The following HEATR5B variants were observed in gnomAD, a reference collection of about 807,000 sequenced individuals.
The protein encoded by HEATR5B is HEAT repeat containing 5B, also known as HEAT repeat-containing protein 5B.
A neutral mutation model predicts 224.1 loss-of-function variants in HEATR5B; 156 were observed. The observed-to-expected ratio is 0.70, with a 90% CI of 0.61 to 0.80. The LOEUF (loss-of-function observed/expected upper bound fraction) is 0.80. Ranked by LOEUF, HEATR5B falls within the 30% of genes least tolerant of loss-of-function variation. HEATR5B has a pLI of 0.00. For synonymous variants in HEATR5B, 1,027 were observed against 893.0 expected (o/e 1.15, Z -2.68); for missense variants, 2,323 against 2,535.5 (o/e 0.92, Z 1.80).
At chr2:37,065,603 C>T (rs1572924213) in intron 9 of HEATR5B, 152 bp downstream of exon 9, 1 of 713,020 alleles carries the variant, frequency 1.4e-6, no homozygotes, top group Non-Finnish European at 2.2e-6. Flanking sequence ...GCCACCACGC[C>T]CAGCCTATCA....
intron 8 of HEATR5B, 28 bp downstream of exon 8, chr2:37,068,653 C>T: frequency 6.2e-7 from 1 of 1,608,426 alleles, no homozygotes; most frequent in African/African-American, 1.3e-5. Flanking sequence ...CTAAGGTAAT[C>T]AACACACATA....
chr2:37,005,192 G>T (rs1667333796), intron 30 of HEATR5B, among the ~76,000 whole-genome samples: 1 of 152,044 alleles, frequency 6.6e-6, no homozygotes, highest in Non-Finnish European at 1.5e-5. Context: ...GTTCTCTCAT[G>T]CCTCCTAGTG....
At chr2:36,987,708 T>C (rs566235700) in intron 35 of HEATR5B, among the ~76,000 whole-genome samples, 1 of 152,294 alleles carries the variant, frequency 6.6e-6, no homozygotes, top group South Asian at 2.1e-4. Context: ...TTGGTATTAA[T>C]ACTTAACTGG....
At chr2:37,029,936 A>AAAATAAATAAATAAATAAAT (rs150155666) in intron 22 of HEATR5B, among the ~76,000 whole-genome samples, 178 of 142,526 alleles carry the variant, frequency 1.2e-3, no homozygotes, top group African/African-American at 2.5e-3. Flanking sequence ...TCTATCTCAA[A>AAAATAAATAAATAAATAAAT]AAATAAATAA....
intron 18 of HEATR5B, among the ~76,000 whole-genome samples, chr2:37,044,258 A>ATTCCTTT (rs1314119788): frequency 1.3e-5 from 2 of 152,204 alleles, no homozygotes; most frequent in Non-Finnish European, 2.9e-5. Context: ...AAGTTGCCTT[A>ATTCCTTT]GGTCCCTTTG....
intron 17 of HEATR5B, among the ~76,000 whole-genome samples, chr2:37,050,712 T>C (rs1670484705): frequency 6.6e-6 from 1 of 152,132 alleles, no homozygotes; most frequent in African/African-American, 2.4e-5. Context: ...AGAAGACAAT[T>C]ATATGACTTA....
chr2:37,025,751 C>T (rs1408464917), intron 24 of HEATR5B, among the ~76,000 whole-genome samples: 1 of 152,012 alleles, frequency 6.6e-6, no homozygotes, highest in East Asian at 1.9e-4. Flanking sequence ...TTAAGAAATC[C>T]AAAGAAAGAA....
chr2:37,008,868 G>T lies in HEATR5B; in HGVS notation c.4285-20C>A. The stretch of plus-strand genomic sequence containing the variant: ...ATATACCTAATATGATATTTATGAG[G>T]ACAAAATAGTAAGGCATAAGATAAA... On this transcript the variant is annotated intron_variant, in intron 27 of 35. Coordinates refer to ENST00000233099, the MANE Select transcript of HEATR5B (RefSeq NM_019024.3). 1.5e-6 allele frequency: 2 copies of T among 1,374,278 alleles called. No individual in the cohort carries two copies. The highest frequency in any genetic ancestry group is 2.1e-6 in the Non-Finnish European group (2 of 975,026). 85.1% of individuals were successfully genotyped at this position (1,374,278 alleles called of 1,614,324 possible).
rs1182337163 is a variant in HEATR5B at position 37,059,460 on chromosome 2, A to ATT, written c.1850-474_1850-473insAA. On this transcript the variant is annotated intron_variant, in intron 12 of 35. Coordinates refer to ENST00000233099, the MANE Select transcript of HEATR5B (RefSeq NM_019024.3). ...TGTGTGTGTGTGTATATATATATAT[A>ATT]TATATTTTTTTTTTTTTTTTTTTGA... Among the ~76,000 whole-genome samples, 11 of 105,188 alleles carry ATT rather than the reference A, an allele frequency of 1.0e-4. 1 individual carries two copies. Among genetic ancestry groups the ATT allele is most frequent in the Admixed American group, 6.9e-4 (6 of 8,680 alleles). 69.0% of individuals were successfully genotyped at this position (105,188 alleles called of 152,430 possible). A position where few individuals can be genotyped will look rare whatever the true frequency, so the allele number is the denominator to read the frequency against.
At chr2:37,067,884 CAT>C (rs1465608967) in intron 8 of HEATR5B, among the ~76,000 whole-genome samples, 1 of 152,102 alleles carries the variant, frequency 6.6e-6, no homozygotes, top group Non-Finnish European at 1.5e-5. Context: ...ACATTTCATA[CAT>C]ATATCTCTAA....
chr2:37,040,342 G>A lies in HEATR5B; in HGVS notation c.3033C>T (p.Gly1011=), dbSNP rs1669793525. The change falls in exon 20 of 36, where the codon GGC becomes GGT. Residue 1011 remains glycine (G), a synonymous_variant. Coordinates refer to ENST00000233099, the MANE Select transcript of HEATR5B (RefSeq NM_019024.3). ...RCLGAIITTV[G]PELQGNGATT... is the part of the protein sequence containing the mutation. ...TGATTTACTTACCTTGTAGTTCAGG[G>A]CCAACAGTAGTTATTATAGCACCCA... 6.2e-7 allele frequency: 1 copy of A among 1,612,982 alleles called. No individual in the cohort carries two copies. The highest frequency in any genetic ancestry group is 1.1e-5 in the South Asian group (1 of 90,914).
chr2:37,032,526 T>A lies in HEATR5B; in HGVS notation c.3361+103A>T, dbSNP rs1669196926. On this transcript the variant is annotated intron_variant, in intron 22 of 35. Coordinates refer to ENST00000233099, the MANE Select transcript of HEATR5B (RefSeq NM_019024.3). ...TGGTTTTATTTCAAAGAATAAGACA[T>A]CTGGCCACATTGCAACAGAAAAATG... is the stretch of plus-strand genomic sequence containing the variant. The A allele has an allele frequency of 1.3e-5, 12 of 908,170 alleles. No individual in the cohort carries two copies. In the South Asian group the frequency reaches 1.9e-4, roughly 14 times the overall value. The allele number at this position is 908,170 out of a possible 1,614,324, so 56.3% of individuals were successfully genotyped here.
At chr2:37,002,098 G>T (rs1667126272) in intron 32 of HEATR5B, among the ~76,000 whole-genome samples, 1 of 152,166 alleles carries the variant, frequency 6.6e-6, no homozygotes, top group South Asian at 2.1e-4. Context: ...AAACACATCT[G>T]AAAAGAGCAC....
intron 19 of HEATR5B, among the ~76,000 whole-genome samples, chr2:37,040,809 A>G (rs1669824958): frequency 1.3e-5 from 2 of 152,132 alleles, no homozygotes; most frequent in African/African-American, 2.4e-5. Flanking sequence ...ACAGGAAGAG[A>G]GAGAAGGATG....
intron 29 of HEATR5B, among the ~76,000 whole-genome samples, chr2:37,006,581 C>T (rs565955517): frequency 5.3e-5 from 8 of 152,232 alleles, no homozygotes; most frequent in African/African-American, 1.4e-4. Flanking sequence ...GCGGAGGTTG[C>T]GGTGAACCGA....
chr2:36,983,152 G>C (rs1257130443), intron 35 of HEATR5B, among the ~76,000 whole-genome samples: 1 of 152,080 alleles, frequency 6.6e-6, no homozygotes, highest in African/African-American at 2.4e-5. Context: ...TTTCAGAAAA[G>C]AGGTAAAAAG....
At chr2:37,011,568 T>C (rs1311322654) in intron 27 of HEATR5B, among the ~76,000 whole-genome samples, 1 of 152,208 alleles carries the variant, frequency 6.6e-6, no homozygotes, top group Non-Finnish European at 1.5e-5. Flanking sequence ...AGTTATAATT[T>C]TGATGTACAG....
At chr2:37,063,392 T>C (rs780183848) in intron 10 of HEATR5B, among the ~76,000 whole-genome samples, 7 of 152,170 alleles carry the variant, frequency 4.6e-5, no homozygotes, top group Non-Finnish European at 1.0e-4. Flanking sequence ...GAAATTTGAA[T>C]GAACGGCGGA....
intron 22 of HEATR5B, among the ~76,000 whole-genome samples, chr2:37,031,307 T>C (rs1669114297): frequency 6.6e-6 from 1 of 152,220 alleles, no homozygotes; most frequent in Admixed American, 6.5e-5. Flanking sequence ...ACATACTCAT[T>C]TGTAAAAGCT....
Sources: allele counts gnomAD v4.1 joint callset (sites outside exome capture counted in the v4.1 genomes callset), GRCh38; gene constraint gnomAD v4.1.1; transcripts MANE v1.5; gene names NCBI Gene and HGNC (gene_info 2026-07-23, HGNC 2026-07-21).